ZFP3: variants seen among roughly 807,000 people sequenced by gnomAD.
ZFP3 encodes the protein zinc finger protein 3 homolog.
A neutral mutation model predicts 36.7 loss-of-function variants in ZFP3; 18 were observed. The ratio of observed to expected loss-of-function variants is 0.49; its 90% CI spans 0.34 to 0.73. The LOEUF is 0.73. Ranked by LOEUF, ZFP3 falls within the 30% of genes least tolerant of loss-of-function variation. ZFP3 has a pLI of 0.01. For missense variants in ZFP3, 495 were observed against 599.0 expected (o/e 0.83, Z 1.81); for synonymous variants, 218 against 199.0 (o/e 1.10, Z -0.81).
chr17:5,084,267 CTTTTTTTT>C (rs59148082), intron 1 of ZFP3, among the ~76,000 whole-genome samples: 1 of 60,092 alleles, frequency 1.7e-5, no homozygotes, highest in Non-Finnish European at 2.7e-5. Context: ...GTGAATGAGG[CTTTTTTTT>C]TTTTTTTTTT....
rs2072165904 is a variant in ZFP3, at chr17:5,094,014, AAGT to A, written c.*1004_*1006del. On this transcript the variant is annotated 3_prime_UTR_variant, in exon 2 of 2. Transcript: ENST00000318833. ...CACTGCTGACAGATATTGTGACAGTAAGTAGCAGACAGGACTGTGGCTTCACCT... is the reference window on the plus strand; with the variant it reads ...CACTGCTGACAGATATTGTGACAGTAAGCAGACAGGACTGTGGCTTCACCT... The A allele has an allele frequency of 6.0e-6, 1 of 167,196 alleles. No individual in the cohort carries two copies. The highest frequency in any genetic ancestry group is 1.5e-5 in the Non-Finnish European group (1 of 68,188). The allele number at this position is 167,196 out of a possible 1,614,324, so 10.4% of individuals were successfully genotyped here.
At position 5,092,837 on chromosome 17, in the gene ZFP3, G is replaced by T. The variant is rs2072157839; in HGVS notation, c.1333G>T (p.Gly445Ter). 2.5e-6 allele frequency: 4 copies of T among 1,614,138 alleles called. No individual in the cohort carries two copies. Among genetic ancestry groups the T allele is most frequent in the Non-Finnish European group, 3.4e-6 (4 of 1,180,012 alleles). ...ELLLHQKIHI[G>*]EKPYECSECE... The stretch of plus-strand genomic sequence containing the variant: ...GCTTCTCCACCAGAAAATTCATATT[G>T]GAGAGAAACCTTATGAATGTAGCGA... Residue 445 changes from glycine (G) to a stop codon, truncating the protein, a stop_gained, in exon 2 of 2, where the codon GGA becomes TGA. Coordinates refer to ENST00000318833, the MANE Select transcript of ZFP3 (RefSeq NM_153018.3). LOFTEE classifies it high-confidence loss of function. This position sits in a 1 kb window ranked among gnomAD's most constrained non-coding sequence, Gnocchi z 5.0.
At chr17:5,081,587 C>CATTTTATTTT (rs200139312) in intron 1 of ZFP3, among the ~76,000 whole-genome samples, 111 of 150,096 alleles carry the variant, frequency 7.4e-4, no homozygotes, top group African/African-American at 1.9e-3. Flanking sequence ...TTCTTTTCTT[C>CATTTTATTTT]ATTTTATTTT....
In ZFP3 at chr17:5,095,450, C is replaced by A. The variant is rs1006999142; in HGVS notation, c.*2437C>A. The A allele has an allele frequency of 6.0e-6, 1 of 167,012 alleles. No individual in the cohort carries two copies. The highest frequency in any genetic ancestry group is 1.5e-5 in the Non-Finnish European group (1 of 68,116). 10.3% of individuals were successfully genotyped at this position (167,012 alleles called of 1,614,324 possible). On this transcript the variant is annotated 3_prime_UTR_variant, in exon 2 of 2. Transcript: ENST00000318833. ...ACATGAAACCTGGATCTCACCTATC[C>A]CTTCCATGCCTGATTCCCGTGTTTG...
At chr17:5,085,536 T>G (rs1005818892) in intron 1 of ZFP3, among the ~76,000 whole-genome samples, 3 of 151,948 alleles carry the variant, frequency 2.0e-5, no homozygotes, top group Non-Finnish European at 4.4e-5. Flanking sequence ...GCCCAGCTAA[T>G]TTTTTGTATT....
At chr17:5,089,906 C>G (rs1158706493) in intron 1 of ZFP3, among the ~76,000 whole-genome samples, 3 of 152,160 alleles carry the variant, frequency 2.0e-5, no homozygotes, top group Non-Finnish European at 4.4e-5. Context: ...CATCTTCCCA[C>G]CTCTGCCTCC....
chr17:5,090,637 C>A (rs891622509), intron 1 of ZFP3, among the ~76,000 whole-genome samples: 1 of 152,126 alleles, frequency 6.6e-6, no homozygotes, highest in Non-Finnish European at 1.5e-5. Flanking sequence ...AGTTACTTCC[C>A]CTGTACACCC....
intron 1 of ZFP3, among the ~76,000 whole-genome samples, chr17:5,090,258 T>C (rs1279809870): frequency 1.3e-5 from 2 of 152,196 alleles, no homozygotes; most frequent in Admixed American, 1.3e-4. Context: ...ATATTAAAAA[T>C]GTTAATAAAG....
At chr17:5,086,814 G>C (rs1227661514) in intron 1 of ZFP3, among the ~76,000 whole-genome samples, 1 of 141,744 alleles carries the variant, frequency 7.1e-6, no homozygotes, top group African/African-American at 2.6e-5. Flanking sequence ...TGCAAGCTCC[G>C]CCTCCCGGGT....
rs1051547002 is a variant in ZFP3, at chr17:5,088,970, G to A, written c.-8-2527G>A. Among the ~76,000 whole-genome samples the A allele has an allele frequency of 3.9e-5, 6 of 152,228 alleles. No homozygotes were observed. The South Asian group carries it at 8.3e-4, about 21-fold the overall frequency. The stretch of plus-strand genomic sequence containing the variant: ...GAGGATTGTATTCCTCAGATTTGCC[G>A]TAGTGCACAAATAGACTGCCCTAAG... On this transcript the variant is annotated intron_variant, in intron 1 of 1. Coordinates refer to ENST00000318833, the MANE Select transcript of ZFP3 (RefSeq NM_153018.3).
At chr17:5,085,797 G>T (rs1447178086) in intron 1 of ZFP3, among the ~76,000 whole-genome samples, 1 of 152,164 alleles carries the variant, frequency 6.6e-6, no homozygotes, top group East Asian at 1.9e-4. Context: ...TCAGCTCTAC[G>T]AATGCTGATT....
chr17:5,090,206 G>A (rs916584819), intron 1 of ZFP3, among the ~76,000 whole-genome samples: 1 of 152,110 alleles, frequency 6.6e-6, no homozygotes, highest in African/African-American at 2.4e-5. Flanking sequence ...GAATAGACAG[G>A]AAAGGTCTGA....
chr17:5,080,480 G>T (rs1238698455), intron 1 of ZFP3, among the ~76,000 whole-genome samples: 13 of 152,114 alleles, frequency 8.5e-5, no homozygotes, highest in Admixed American at 8.5e-4. Context: ...AATAATTTTG[G>T]AAGGTTTGTG....
Position 5,093,889 on chromosome 17 carries a change from G to T in ZFP3, c.*876G>T. The stretch of plus-strand genomic sequence containing the variant: ...CAATTGAGGTCACACTGCTCGGCAT[G>T]GGCAGAAGCAGCTCTTCAGGAGCTG... On this transcript the variant is annotated 3_prime_UTR_variant, in exon 2 of 2. Transcript: ENST00000318833. The T allele has an allele frequency of 1.2e-5, 2 of 167,308 alleles. No homozygotes were observed. 10.4% of individuals were successfully genotyped at this position (167,308 alleles called of 1,614,324 possible).
Position 5,091,572 on chromosome 17 carries a change from CATT to C in ZFP3, c.73_75del (p.Leu25del), listed in dbSNP as rs1346924640. The C allele has an allele frequency of 6.2e-7, 1 of 1,614,092 alleles. No individual in the cohort carries two copies. The highest frequency in any genetic ancestry group is 8.5e-7 in the Non-Finnish European group (1 of 1,180,036). On this transcript the variant is annotated inframe_deletion, in exon 2 of 2. Coordinates refer to ENST00000318833, the MANE Select transcript of ZFP3 (RefSeq NM_153018.3). ...TCTGAAGAATCTGAGCCACATGGGT[CATT>C]ATTAGAAAAATTTCCAAAAGTGGTT...
At chr17:5,080,485 T>C (rs189019837) in intron 1 of ZFP3, among the ~76,000 whole-genome samples, 89 of 152,280 alleles carry the variant, frequency 5.8e-4, no homozygotes, top group Non-Finnish European at 1.3e-4. Context: ...TTTTGGAAGG[T>C]TTGTGTCTCT....
At chr17:5,079,987 C>G (rs537015068) in intron 1 of ZFP3, among the ~76,000 whole-genome samples, 94 of 151,822 alleles carry the variant, frequency 6.2e-4, no homozygotes, top group Non-Finnish European at 1.1e-3. Context: ...TGCGGTGAGC[C>G]AAGATTGCGC....
intron 1 of ZFP3, among the ~76,000 whole-genome samples, chr17:5,082,824 C>T (rs1327194532): frequency 6.6e-6 from 1 of 152,174 alleles, no homozygotes; most frequent in African/African-American, 2.4e-5. Context: ...CCAGTCCCAA[C>T]AGAATTTTTA....
rs529340855 is a variant in ZFP3 at position 5,094,672 on chromosome 17, C to T, written c.*1659C>T. 6.0e-6 allele frequency: 1 copy of T among 167,132 alleles called. No homozygotes were observed. The highest frequency in any genetic ancestry group is 2.1e-4 in the South Asian group (1 of 4,822). 10.4% of individuals were successfully genotyped at this position (167,132 alleles called of 1,614,324 possible). On this transcript the variant is annotated 3_prime_UTR_variant, in exon 2 of 2. Transcript: ENST00000318833. ...TTATATATCTTTATTATTCTTTAACCTCATCTTTGTTACACTAATATTAGT... is the reference window on the plus strand; with the variant it reads ...TTATATATCTTTATTATTCTTTAACTTCATCTTTGTTACACTAATATTAGT...
Sources: gnomAD v4.1 joint callset for allele counts (sites outside exome capture counted in the v4.1 genomes callset) on GRCh38, gnomAD v4.1.1 for gene constraint, Gnocchi (gnomAD v3.1) non-coding constraint, MANE v1.5 for transcripts, NCBI Gene and HGNC (gene_info 2026-07-23, HGNC 2026-07-21) for gene names.